The following RRAGD variants were observed in gnomAD, a reference collection of about 807,000 sequenced individuals.
RRAGD encodes the protein ras-related GTP-binding protein D.
In RRAGD, 12 loss-of-function variants were observed where a neutral mutation model predicts 35.5. The observed-to-expected ratio is 0.34, with a 90% CI of 0.22 to 0.55. RRAGD has a LOEUF of 0.55. Among genes scored for constraint, RRAGD ranks in the 20% least tolerant of loss-of-function variants. RRAGD has a pLI of 0.91. For missense variants in RRAGD, 324 were observed against 490.1 expected (o/e 0.66, Z 3.20); for synonymous variants, 155 against 178.9 (o/e 0.87, Z 1.07).
chr6:89,407,637 A>G (rs1417174495), intron 1 of RRAGD, among the ~76,000 whole-genome samples: 7 of 152,202 alleles, frequency 4.6e-5, no homozygotes, highest in Non-Finnish European at 1.0e-4. Context: ...GTGAGGCTCC[A>G]TCTCAAAAGA....
At chr6:89,384,136 C>G (rs376665231) in intron 2 of RRAGD, among the ~76,000 whole-genome samples, 2 of 151,780 alleles carry the variant, frequency 1.3e-5, no homozygotes, top group African/African-American at 4.8e-5. Context: ...AAAGGACACT[C>G]AAGTGCTGTG....
At position 89,400,177 on chromosome 6, in the gene RRAGD, T is replaced by C. The variant is rs567258362; in HGVS notation, c.148+11669A>G. 2.3e-4 allele frequency among the ~76,000 whole-genome samples: 35 copies of C among 152,274 alleles called. No homozygotes were observed. The South Asian group carries it at 6.6e-3, about 29-fold the overall frequency. On this transcript the variant is annotated intron_variant, in intron 1 of 6. Coordinates refer to ENST00000369415, the MANE Select transcript of RRAGD (RefSeq NM_021244.5). ...TTCATTCCAGTTGCTCTTCAAATCC[T>C]TAAGTCAGAACACATTAGTCTTCAT...
chr6:89,388,892 G>A (rs1414886665), intron 1 of RRAGD, among the ~76,000 whole-genome samples: 2 of 152,194 alleles, frequency 1.3e-5, no homozygotes, highest in Non-Finnish European at 2.9e-5. Flanking sequence ...CTCATAAGGA[G>A]CGTGCAACCT....
At chr6:89,373,273 T>C (rs1304761153) in intron 5 of RRAGD, among the ~76,000 whole-genome samples, 2 of 152,258 alleles carry the variant, frequency 1.3e-5, no homozygotes, top group Non-Finnish European at 2.9e-5. Context: ...ACTACCCTTG[T>C]ATATTTTCTG....
chr6:89,377,670 C>T lies in RRAGD; in HGVS notation c.902+1G>A. The T allele has an allele frequency of 6.3e-7, 1 of 1,578,522 alleles. No homozygotes were observed. Among genetic ancestry groups the T allele is most frequent in the Non-Finnish European group, 8.6e-7 (1 of 1,166,672 alleles). ...GTGGCCTTTAAGAATGTTGTACTTA[C>T]CCATAAATACAAGAGATGTCAATAA... On this transcript the variant is annotated splice_donor_variant, in intron 5 of 6. Transcript: ENST00000369415. LOFTEE classifies it high-confidence loss of function.
In RRAGD at chr6:89,387,523, TCTC is replaced by T; in HGVS notation, c.213_215del (p.Arg72del). On this transcript the variant is annotated inframe_deletion, in exon 2 of 7. Transcript: ENST00000369415. Reference sequence around the variant, plus strand: ...CTTTCTGAATAGACGACTTGCCGCTTCTCCTCAGGCCCATGAGCAGGATTCTCG... The same window carrying T: ...CTTTCTGAATAGACGACTTGCCGCTTCTCAGGCCCATGAGCAGGATTCTCG... The T allele has an allele frequency of 6.2e-7, 1 of 1,614,088 alleles. No homozygotes were observed. Among genetic ancestry groups the T allele is most frequent in the Non-Finnish European group, 8.5e-7 (1 of 1,180,022 alleles).
chr6:89,394,401 T>C (rs1769293934), intron 1 of RRAGD, among the ~76,000 whole-genome samples: 1 of 152,088 alleles, frequency 6.6e-6, no homozygotes, highest in Non-Finnish European at 1.5e-5. Context: ...ACAACACAGA[T>C]ATGAGAAGAC....
chr6:89,384,139 G>A (rs1769097613), intron 2 of RRAGD, among the ~76,000 whole-genome samples: 1 of 151,400 alleles, frequency 6.6e-6, no homozygotes. Flanking sequence ...GGACACTCAA[G>A]TGCTGTGGAG....
At chr6:89,392,226 C>G (rs983074417) in intron 1 of RRAGD, among the ~76,000 whole-genome samples, 1 of 152,002 alleles carries the variant, frequency 6.6e-6, no homozygotes, top group African/African-American at 2.4e-5. Flanking sequence ...ATAATGCCAG[C>G]ACTTTGGAAG....
chr6:89,378,544 G>A (rs1044671114), intron 4 of RRAGD, among the ~76,000 whole-genome samples: 11 of 152,182 alleles, frequency 7.2e-5, no homozygotes, highest in Non-Finnish European at 1.0e-4. Context: ...ACTCAGCAGC[G>A]CCTACCTGGA....
At chr6:89,405,565 C>T (rs763941667) in intron 1 of RRAGD, among the ~76,000 whole-genome samples, 1 of 152,012 alleles carries the variant, frequency 6.6e-6, no homozygotes, top group Non-Finnish European at 1.5e-5. Flanking sequence ...CACACAGGCA[C>T]ACAAGGACAC....
chr6:89,388,042 CTT>C (rs972805473), intron 1 of RRAGD, among the ~76,000 whole-genome samples: 7 of 152,106 alleles, frequency 4.6e-5, no homozygotes, highest in African/African-American at 1.7e-4. Context: ...TTATGCCTCT[CTT>C]AGTCACCCTC....
chr6:89,381,982 A>C (rs1261325087), intron 2 of RRAGD, among the ~76,000 whole-genome samples: 1 of 151,604 alleles, frequency 6.6e-6, no homozygotes, highest in East Asian at 1.9e-4. Flanking sequence ...TCTTATTGCC[A>C]ATTTGAAGGG....
chr6:89,387,214 G>T, intron 2 of RRAGD, 81 bp downstream of exon 2: 1 of 1,427,098 alleles, frequency 7.0e-7, no homozygotes, highest in Non-Finnish European at 9.6e-7. Context: ...CTATTCCAGA[G>T]TTTAAAAACC....
chr6:89,382,567 C>A (rs1769063520), intron 2 of RRAGD, among the ~76,000 whole-genome samples: 1 of 150,698 alleles, frequency 6.6e-6, no homozygotes, highest in Non-Finnish European at 1.5e-5. Flanking sequence ...AGAGTGAGAG[C>A]CTGCCTGTAA....
At chr6:89,397,624 C>CA (rs200607577) in intron 1 of RRAGD, among the ~76,000 whole-genome samples, 7 of 135,036 alleles carry the variant, frequency 5.2e-5, no homozygotes, top group East Asian at 2.0e-4. Flanking sequence ...CAAAAAAAAA[C>CA]AAAAAAAACC....
At chr6:89,399,295 G>C (rs748357119) in intron 1 of RRAGD, among the ~76,000 whole-genome samples, 4 of 152,202 alleles carry the variant, frequency 2.6e-5, no homozygotes, top group Non-Finnish European at 5.9e-5. Context: ...TACACATACA[G>C]CTGCAACAAC....
chr6:89,395,215 T>C (rs1769311484), intron 1 of RRAGD, among the ~76,000 whole-genome samples: 1 of 152,186 alleles, frequency 6.6e-6, no homozygotes, highest in Non-Finnish European at 1.5e-5. Context: ...GCCATGATTG[T>C]GCCACTGCAC....
chr6:89,367,789 A>AT lies in RRAGD; in HGVS notation c.*266dup, dbSNP rs1430163120. On this transcript the variant is annotated 3_prime_UTR_variant, in exon 7 of 7. Transcript: ENST00000369415. Reference sequence around the variant, plus strand: ...CAATTCCTGGCAGTTCTCACACGGGATTTTTTTGACTACAGACCATAAAAG... The same window carrying AT: ...CAATTCCTGGCAGTTCTCACACGGGATTTTTTTTGACTACAGACCATAAAAG... 1 of 331,362 alleles carries AT rather than the reference A, an allele frequency of 3.0e-6. No homozygotes were observed. The highest frequency in any genetic ancestry group is 4.9e-5 in the East Asian group (1 of 20,586). The allele number at this position is 331,362 out of a possible 1,614,324, so 20.5% of individuals were successfully genotyped here. A position where few individuals can be genotyped will look rare whatever the true frequency, so the allele number is the denominator to read the frequency against.
Sources: gnomAD v4.1 joint callset for allele counts (sites outside exome capture counted in the v4.1 genomes callset) on GRCh38, gnomAD v4.1.1 for gene constraint, MANE v1.5 for transcripts, NCBI Gene and HGNC (gene_info 2026-07-23, HGNC 2026-07-21) for gene names.